The following PGLYRP4 variants were observed in gnomAD, a reference collection of about 807,000 sequenced individuals.
The protein encoded by PGLYRP4 is PGRP-I-beta.
In PGLYRP4, 39 loss-of-function variants were observed where a neutral mutation model predicts 41.2. That is an observed-to-expected ratio of 0.95 (90% CI 0.73 to 1.24). The LOEUF (loss-of-function observed/expected upper bound fraction) is 1.24. Ranked by LOEUF, PGLYRP4 falls within the 50% of genes most tolerant of loss-of-function variation. The pLI is 0.00. For synonymous variants in PGLYRP4, 202 were observed against 186.8 expected, an observed-to-expected ratio of 1.08 and a Z score of -0.66; for missense variants, 467 against 460.7, an observed-to-expected ratio of 1.01 and a Z score of -0.13.
At chr1:153,335,429 C>A (rs1253301385) in intron 8 of PGLYRP4, among the ~76,000 whole-genome samples, 1 of 152,066 alleles carries the variant, frequency 6.6e-6, no homozygotes, top group East Asian at 1.9e-4. Flanking sequence ...AGCCAAAAAC[C>A]ATGAAAAAAT....
At chr1:153,344,987 A>G in intron 4 of PGLYRP4, 182 bp downstream of exon 4, 3 of 588,582 alleles carry the variant, frequency 5.1e-6, no homozygotes, top group Non-Finnish European at 9.1e-6. Flanking sequence ...TCTCAGAGAC[A>G]GGCACCTCAC....
chr1:153,335,060 A>T (rs1272119369), intron 8 of PGLYRP4, among the ~76,000 whole-genome samples: 2 of 152,182 alleles, frequency 1.3e-5, no homozygotes, highest in East Asian at 3.8e-4. Context: ...TGGATTAAAG[A>T]CTTAAATTTA....
At chr1:153,346,497 A>T (rs943983347) in intron 2 of PGLYRP4, among the ~76,000 whole-genome samples, 1 of 152,210 alleles carries the variant, frequency 6.6e-6, no homozygotes, top group African/African-American at 2.4e-5. Flanking sequence ...AAAACTAGAA[A>T]TGTATTCAGA....
chr1:153,346,284 A>T (rs1661006829), intron 2 of PGLYRP4, 93 bp from the exon 3 acceptor site: 3 of 916,946 alleles, frequency 3.3e-6, no homozygotes, highest in Non-Finnish European at 5.4e-6. Context: ...TCCCCTCTCC[A>T]CTGCCCCTCT....
chr1:153,336,559 A>G (rs796330875), intron 8 of PGLYRP4, among the ~76,000 whole-genome samples: 1 of 152,248 alleles, frequency 6.6e-6, no homozygotes, highest in African/African-American at 2.4e-5. Context: ...GAGTACAATA[A>G]TAGACATCAG....
Position 153,345,357 on chromosome 1 carries a change from C to G in PGLYRP4, c.165G>C (p.Thr55=). The G allele has an allele frequency of 6.2e-7, 1 of 1,614,146 alleles. No individual in the cohort carries two copies. Among genetic ancestry groups the G allele is most frequent in the Non-Finnish European group, 8.5e-7 (1 of 1,180,006 alleles). ...CTGCCCCCCATGCCTTGCGAGAGAC[C>G]GTGGTGGAGACATCTGTGGGAAGGC... The part of the protein sequence containing the change: ...EKGLPTDVST[T]VSRKAWGAEA... The change falls in exon 4 of 9, where the codon ACG becomes ACC. Residue 55 remains threonine (T), a synonymous_variant. Transcript: ENST00000359650.
intron 2 of PGLYRP4, among the ~76,000 whole-genome samples, chr1:153,347,502 T>C (rs1231683957): frequency 4.0e-5 from 6 of 151,648 alleles, no homozygotes; most frequent in African/African-American, 1.2e-4. Context: ...CCCTCCTGAG[T>C]AGCTGGAACT....
intron 8 of PGLYRP4, 137 bp from the exon 9 acceptor site, chr1:153,331,082 C>A: frequency 1.7e-6 from 1 of 598,556 alleles, no homozygotes; most frequent in Non-Finnish European, 2.7e-6. Context: ...GCAAAAAAAA[C>A]AAGGTCAAGA....
chr1:153,341,463 C>A (rs1180438547), intron 6 of PGLYRP4, among the ~76,000 whole-genome samples, 164 bp downstream of exon 6: 1 of 152,210 alleles, frequency 6.6e-6, no homozygotes, highest in Non-Finnish European at 1.5e-5. Flanking sequence ...CTGGAGGTTT[C>A]CTCTCAAGAT....
At chr1:153,331,014 A>T (rs1488742432) in intron 8 of PGLYRP4, 69 bp from the exon 9 acceptor site, 14 of 1,313,460 alleles carry the variant, frequency 1.1e-5, no homozygotes, top group Non-Finnish European at 1.5e-5. Flanking sequence ...ATATCCCCAG[A>T]ACCCACCCTC....
At chr1:153,331,237 A>G (rs1252286832) in intron 8 of PGLYRP4, among the ~76,000 whole-genome samples, 1 of 152,176 alleles carries the variant, frequency 6.6e-6, no homozygotes, top group Non-Finnish European at 1.5e-5. Flanking sequence ...TAGCCCCCCA[A>G]AGGACATTTG....
rs1660289746 is a variant in PGLYRP4 at position 153,330,548 on chromosome 1, G to A, written c.*219C>T. On this transcript the variant is annotated 3_prime_UTR_variant, in exon 9 of 9. Transcript: ENST00000359650. Reference sequence around the variant, plus strand: ...AGGAAGGTAAGGAGAGAAGAAATCTGGACTCAGACTCAGAGGGCTGTGAAT... The same window carrying A: ...AGGAAGGTAAGGAGAGAAGAAATCTAGACTCAGACTCAGAGGGCTGTGAAT... 1 of 382,452 alleles carries A rather than the reference G, an allele frequency of 2.6e-6. No homozygotes were observed. The highest frequency in any genetic ancestry group is 2.0e-5 in the African/African-American group (1 of 50,266). 23.7% of individuals were successfully genotyped at this position (382,452 alleles called of 1,614,324 possible).
At chr1:153,342,991 T>TAAG (rs5777858) in intron 5 of PGLYRP4, 99 bp downstream of exon 5, 620,283 of 681,516 alleles carry the variant, frequency 0.91, 282,852 homozygotes, top group African/African-American at 0.98. Flanking sequence ...ATGAGAAGGA[T>TAAG]AAGACAGCAG....
chr1:153,335,983 G>A (rs1430082921), intron 8 of PGLYRP4, among the ~76,000 whole-genome samples: 3 of 152,008 alleles, frequency 2.0e-5, no homozygotes, highest in Non-Finnish European at 4.4e-5. Flanking sequence ...TAATAGCAAA[G>A]GCGTTGAATC....
intron 8 of PGLYRP4, chr1:153,331,792 T>G (rs1399557412): frequency 2.6e-5 from 4 of 152,316 alleles, no homozygotes; most frequent in Non-Finnish European, 5.9e-5. Context: ...ACTAGGCTGG[T>G]CCTATAAGAA....
intron 2 of PGLYRP4, among the ~76,000 whole-genome samples, chr1:153,347,183 C>G (rs889990837): frequency 6.6e-6 from 1 of 151,972 alleles, no homozygotes; most frequent in African/African-American, 2.4e-5. Flanking sequence ...AAGCAGTTCT[C>G]TCATGCCTCC....
chr1:153,345,865 T>C (rs914682474), intron 3 of PGLYRP4, among the ~76,000 whole-genome samples: 2 of 152,060 alleles, frequency 1.3e-5, no homozygotes, highest in African/African-American at 2.4e-5. Context: ...CCACAGGGAG[T>C]CCCTGTCTGC....
At chr1:153,348,210 T>TGTACACACTTGCAC (rs1661099252) in intron 1 of PGLYRP4, among the ~76,000 whole-genome samples, 1 of 152,204 alleles carries the variant, frequency 6.6e-6, no homozygotes, top group Admixed American at 6.5e-5. Context: ...TGCAAGGCTG[T>TGTACACACTTGCAC]GTACACACTT....
intron 8 of PGLYRP4, among the ~76,000 whole-genome samples, chr1:153,332,650 A>T (rs1296254443): frequency 2.6e-5 from 4 of 152,210 alleles, no homozygotes; most frequent in Non-Finnish European, 5.9e-5. Flanking sequence ...GCCTCAATAA[A>T]TTTTTTAAAA....
Sources: gnomAD v4.1 joint callset for allele counts (sites outside exome capture counted in the v4.1 genomes callset) on GRCh38, gnomAD v4.1.1 for gene constraint, MANE v1.5 for transcripts, NCBI Gene and HGNC (gene_info 2026-07-23, HGNC 2026-07-21) for gene names.